WWOX: variants seen among roughly 807,000 people sequenced by gnomAD.
WWOX encodes WW domain containing oxidoreductase.
A neutral mutation model predicts 46.2 loss-of-function variants in WWOX; 69 were observed. That is an observed-to-expected ratio of 1.49 (90% confidence interval 1.23 to 1.82). The LOEUF (loss-of-function observed/expected upper bound fraction) is 1.82. Among genes scored for constraint, WWOX ranks in the 40% most tolerant of loss-of-function variants. WWOX has a pLI of 0.00. For synonymous variants in WWOX, 359 were observed against 202.6 expected, an observed-to-expected ratio of 1.77 and a Z score of -6.56; for missense variants, 919 against 542.6, an observed-to-expected ratio of 1.69 and a Z score of -6.89.
intron 8 of WWOX, among the ~76,000 whole-genome samples, chr16:78,863,371 C>T (rs1241115969): frequency 6.6e-6 from 1 of 152,170 alleles, no homozygotes; most frequent in Non-Finnish European, 1.5e-5. Context: ...GTGTTCTTAA[C>T]TATGGACCTT....
At chr16:78,522,957 A>G (rs2043381681) in intron 8 of WWOX, among the ~76,000 whole-genome samples, 1 of 152,206 alleles carries the variant, frequency 6.6e-6, no homozygotes, top group African/African-American at 2.4e-5. Context: ...CTGTAATCCC[A>G]GCTACCTGGG....
intron 8 of WWOX, among the ~76,000 whole-genome samples, chr16:78,955,452 A>C (rs16949032): frequency 6.6e-6 from 1 of 152,004 alleles, no homozygotes; most frequent in Admixed American, 6.5e-5. Flanking sequence ...AAGAGATTCT[A>C]TTTTTACTGG....
chr16:78,886,589 G>T (rs945074147), intron 8 of WWOX, among the ~76,000 whole-genome samples: 8 of 149,166 alleles, frequency 5.4e-5, no homozygotes, highest in Non-Finnish European at 1.0e-4. Flanking sequence ...ACATTGATAT[G>T]TATTGTCCAA....
At chr16:78,814,991 G>C (rs1597658666) in intron 8 of WWOX, among the ~76,000 whole-genome samples, 1 of 152,140 alleles carries the variant, frequency 6.6e-6, no homozygotes, top group Non-Finnish European at 1.5e-5. Flanking sequence ...TTTCAGGCTT[G>C]CTCCCTGCAG....
intron 8 of WWOX, among the ~76,000 whole-genome samples, chr16:78,742,872 C>G (rs532756950): frequency 4.1e-4 from 63 of 152,228 alleles, no homozygotes; most frequent in Middle Eastern, 3.4e-3. Context: ...CGGGGGCTTC[C>G]CAGTGTAGGG....
At chr16:79,049,173 G>T (rs1037075458) in intron 8 of WWOX, among the ~76,000 whole-genome samples, 6 of 152,210 alleles carry the variant, frequency 3.9e-5, no homozygotes, top group Non-Finnish European at 8.8e-5. Flanking sequence ...CAACTATTCA[G>T]TTCTGCCAGT....
At chr16:78,917,681 G>T (rs1334369562) in intron 8 of WWOX, among the ~76,000 whole-genome samples, 2 of 151,904 alleles carry the variant, frequency 1.3e-5, no homozygotes, top group African/African-American at 2.4e-5. Context: ...TTTCCTACAT[G>T]GCTGTGACTA....
At position 78,339,561 on chromosome 16, in the gene WWOX, G is replaced by C. The variant is rs1387932341; in HGVS notation, c.517-47299G>C. The stretch of plus-strand genomic sequence containing the variant: ...CCACATCTTTTCCTGTATTGGTTTG[G>C]TTATTGTTTTGTGGGAGCATGTCTT... On this transcript the variant is annotated intron_variant, in intron 5 of 8. Transcript: ENST00000566780. Among the ~76,000 whole-genome samples the C allele has an allele frequency of 2.5e-5, 3 of 119,168 alleles. 1 individual carries two copies. Among genetic ancestry groups the C allele is most frequent in the Non-Finnish European group, 2.0e-5 (1 of 50,062 alleles). 78.2% of individuals were successfully genotyped at this position (119,168 alleles called of 152,430 possible).
At position 78,495,145 on chromosome 16, in the gene WWOX, C is replaced by CTTTTT. The variant is rs71140804; in HGVS notation, c.1056+62403_1056+62407dup. 2.6e-5 allele frequency among the ~76,000 whole-genome samples: 3 copies of CTTTTT among 116,614 alleles called. 1 individual carries two copies. The highest frequency in any genetic ancestry group is 1.7e-5 in the Non-Finnish European group (1 of 57,748). 76.5% of individuals were successfully genotyped at this position (116,614 alleles called of 152,430 possible). A position where few individuals can be genotyped will look rare whatever the true frequency, so the allele number is the denominator to read the frequency against. ...AAGATTAGTAGTAGACTGTTGTGTT[C>CTTTTT]TTTTTTTTTTTTTTGAGATAGACTC... On this transcript the variant is annotated intron_variant, in intron 8 of 8. Coordinates refer to ENST00000566780, the MANE Select transcript of WWOX (RefSeq NM_016373.4).
At chr16:78,871,197 C>T (rs1312646730) in intron 8 of WWOX, among the ~76,000 whole-genome samples, 1 of 146,058 alleles carries the variant, frequency 6.8e-6, no homozygotes, top group African/African-American at 2.6e-5. Context: ...TTTAATGAGG[C>T]AATCAGGGGT....
At chr16:79,078,117 G>C (rs12925253) in intron 8 of WWOX, 65,163 of 151,870 alleles carry the variant, frequency 0.43, 14,580 homozygotes, top group Middle Eastern at 0.52. Context: ...CCTGGCACTG[G>C]TGAAAGCTCT....
At chr16:79,107,577 A>G (rs975757082) in intron 8 of WWOX, among the ~76,000 whole-genome samples, 6 of 152,194 alleles carry the variant, frequency 3.9e-5, no homozygotes, top group African/African-American at 1.4e-4. Context: ...CTGACTTAGC[A>G]GCCTGATTTT....
intron 8 of WWOX, among the ~76,000 whole-genome samples, chr16:78,460,633 T>C (rs2083927146): frequency 6.6e-6 from 1 of 152,202 alleles, no homozygotes; most frequent in African/African-American, 2.4e-5. Flanking sequence ...GGAGAACTGA[T>C]GTGGCCTGTG....
At chr16:78,479,126 T>A (rs1159024184) in intron 8 of WWOX, among the ~76,000 whole-genome samples, 3 of 151,930 alleles carry the variant, frequency 2.0e-5, no homozygotes, top group African/African-American at 4.8e-5. Context: ...GAAAAAAAAA[T>A]AAACATACAT....
At chr16:78,747,668 A>G (rs2049380527) in intron 8 of WWOX, among the ~76,000 whole-genome samples, 1 of 152,038 alleles carries the variant, frequency 6.6e-6, no homozygotes, top group African/African-American at 2.4e-5. Flanking sequence ...AGCACTTACC[A>G]CTTTCTGAAT....
At chr16:78,486,754 A>G (rs1010189468) in intron 8 of WWOX, among the ~76,000 whole-genome samples, 5 of 152,024 alleles carry the variant, frequency 3.3e-5, no homozygotes, top group Admixed American at 2.6e-4. Flanking sequence ...TTGTATTTTC[A>G]GTTGAGATAA....
intron 5 of WWOX, among the ~76,000 whole-genome samples, chr16:78,345,968 AAT>A (rs2081087882): frequency 9.2e-6 from 1 of 109,024 alleles, no homozygotes; most frequent in Non-Finnish European, 2.0e-5. Flanking sequence ...AAATAAAAAA[AAT>A]AGAACATTTA....
intron 8 of WWOX, among the ~76,000 whole-genome samples, chr16:79,100,929 C>G (rs1440631845): frequency 6.6e-6 from 1 of 151,720 alleles, no homozygotes; most frequent in Non-Finnish European, 1.5e-5. Flanking sequence ...GGGTTTTCTC[C>G]ATAGGGGTTA....
intron 8 of WWOX, among the ~76,000 whole-genome samples, chr16:78,833,359 T>C (rs2051885013): frequency 6.6e-6 from 1 of 152,140 alleles, no homozygotes; most frequent in South Asian, 2.1e-4. Flanking sequence ...ACTTGCACTC[T>C]TTCCTGCATA....
Sources: gnomAD v4.1 joint callset for allele counts (sites outside exome capture counted in the v4.1 genomes callset) on GRCh38, gnomAD v4.1.1 for gene constraint, MANE v1.5 for transcripts, NCBI Gene and HGNC (gene_info 2026-07-23, HGNC 2026-07-21) for gene names.